PGAP6: variants seen among roughly 807,000 people sequenced by gnomAD.
PGAP6 encodes post-GPI attachment to proteins factor 6.
Under a neutral mutation model 68.4 loss-of-function variants are expected in PGAP6, and 62 were observed. The ratio of observed to expected loss-of-function variants is 0.91; its 90% CI spans 0.74 to 1.12. PGAP6 has a LOEUF of 1.12. Ranked by LOEUF, PGAP6 falls within the 50% of genes most tolerant of loss-of-function variation. PGAP6 has a pLI of 0.00. For missense variants in PGAP6, 1,188 were observed against 1,068.5 expected, an observed-to-expected ratio of 1.11 and a Z score of -1.56; for synonymous variants, 575 against 474.0, an observed-to-expected ratio of 1.21 and a Z score of -2.77.
intron 1 of PGAP6, among the ~76,000 whole-genome samples, chr16:381,121 C>T (rs1412132947): frequency 6.6e-6 from 1 of 152,246 alleles, no homozygotes; most frequent in Non-Finnish European, 1.5e-5. Flanking sequence ...AGTTTCCCAA[C>T]AAGAGGGGAG....
chr16:373,607 G>A (rs959717115), intron 11 of PGAP6, among the ~76,000 whole-genome samples: 21 of 152,302 alleles, frequency 1.4e-4, no homozygotes, highest in African/African-American at 4.6e-4. Flanking sequence ...CTGTGACCTC[G>A]GCTCACTCCA....
intron 6 of PGAP6, among the ~76,000 whole-genome samples, chr16:375,643 C>T (rs539117906): frequency 2.0e-5 from 3 of 152,162 alleles, no homozygotes; most frequent in South Asian, 2.1e-4. Context: ...GCCATTCTCC[C>T]GCCTCAGCCT....
Position 371,834 on chromosome 16 carries a change from T to C in PGAP6, c.*153A>G. 2 of 719,164 alleles carry C rather than the reference T, an allele frequency of 2.8e-6. No homozygotes were observed. Among genetic ancestry groups the C allele is most frequent in the Non-Finnish European group, 4.5e-6 (2 of 445,692 alleles). The allele number at this position is 719,164 out of a possible 1,614,324, so 44.5% of individuals were successfully genotyped here. On this transcript the variant is annotated 3_prime_UTR_variant, in exon 13 of 13. Coordinates refer to ENST00000431232, the MANE Select transcript of PGAP6 (RefSeq NM_021259.3). ...AGGAGAGGTGCGTGTGAGGGAGGGGTGGCCCTCTCCTCAGTAGGAGGAAGT... is the reference window on the plus strand; with the variant it reads ...AGGAGAGGTGCGTGTGAGGGAGGGGCGGCCCTCTCCTCAGTAGGAGGAAGT...
rs374864682 is a variant in PGAP6, at chr16:374,080, G to T, written c.1827C>A (p.Cys609Ter). The change falls in exon 11 of 13, where the codon TGC becomes TGA. Residue 609 changes from cysteine (C) to a stop codon, truncating the protein, a stop_gained. Coordinates refer to ENST00000431232, the MANE Select transcript of PGAP6 (RefSeq NM_021259.3). LOFTEE classifies it high-confidence loss of function. ...CILSYDTLQYCDFLGSGAAIW... is the reference protein window; with the variant it reads ...CILSYDTLQY ...TGGCCGCCCCGGAGCCCAAGAAGTC[G>T]CAGTACTGCAGCGTGTCGTAGCTGA... 6.2e-7 allele frequency: 1 copy of T among 1,611,948 alleles called. No homozygotes were observed. Among genetic ancestry groups the T allele is most frequent in the Non-Finnish European group, 8.5e-7 (1 of 1,179,950 alleles).
chr16:382,363 T>G, upstream of PGAP6: 1 of 382,746 alleles, frequency 2.6e-6, no homozygotes, highest in Non-Finnish European at 4.6e-6. Context: ...GACCTCCGCC[T>G]GGGACCGAGA....
In PGAP6 at chr16:379,029, G is replaced by A. The variant is rs146268859; in HGVS notation, c.122-1181C>T. ...GACCTTGGGCATCCTTCCCTCCCTG[G>A]GTCCCAGCCTTCTCCTGGGTAGGTC... On this transcript the variant is annotated intron_variant, in intron 1 of 12. Transcript: ENST00000431232. Among the ~76,000 whole-genome samples the A allele has an allele frequency of 3.9e-5, 6 of 152,270 alleles. No individual in the cohort carries two copies. The East Asian group carries it at 1.2e-3, about 29-fold the overall frequency.
chr16:378,054 C>T (rs888819439), intron 1 of PGAP6, among the ~76,000 whole-genome samples: 6 of 152,082 alleles, frequency 3.9e-5, no homozygotes, highest in African/African-American at 1.5e-4. Flanking sequence ...AGATGGCCTA[C>T]ATCCCACCCT....
At position 371,199 on chromosome 16, in the gene PGAP6, G is replaced by A. The variant is rs1422021996; in HGVS notation, c.*788C>T. 1.3e-5 allele frequency: 2 copies of A among 152,228 alleles called. No individual in the cohort carries two copies. Among genetic ancestry groups the A allele is most frequent in the Admixed American group, 1.3e-4 (2 of 15,286 alleles). 9.4% of individuals were successfully genotyped at this position (152,228 alleles called of 1,614,324 possible). A position where few individuals can be genotyped will look rare whatever the true frequency, so the allele number is the denominator to read the frequency against. ...GTCTCCTGAACACCCACAGGGCACA[G>A]AGCCCAGTGCAGGGGGCAGACACCA... On this transcript the variant is annotated 3_prime_UTR_variant, in exon 13 of 13. Transcript: ENST00000431232.
chr16:374,526 G>T, intron 9 of PGAP6, 127 bp from the exon 10 acceptor site: 1 of 1,197,788 alleles, frequency 8.3e-7, no homozygotes. Context: ...CACGGCGGGC[G>T]GGGTCCAAGG....
chr16:373,828 CCA>C (rs59534277), intron 11 of PGAP6, among the ~76,000 whole-genome samples, 175 bp downstream of exon 11: 83,016 of 150,452 alleles, frequency 0.55, 23,055 homozygotes, highest in South Asian at 0.67. Flanking sequence ...CAGGTGTGAG[CCA>C]CCATGCTCGG....
intron 12 of PGAP6, 42 bp from the exon 13 acceptor site, chr16:372,325 G>C: frequency 6.4e-7 from 1 of 1,565,124 alleles, no homozygotes; most frequent in Non-Finnish European, 8.6e-7. Context: ...AGGTGGGGCC[G>C]CGGCTGCAGC....
At chr16:377,608 G>C in intron 2 of PGAP6, 23 bp from the exon 3 acceptor site, 1 of 1,568,414 alleles carries the variant, frequency 6.4e-7, no homozygotes, top group Non-Finnish European at 8.6e-7. Context: ...GAGCAGCACC[G>C]GGTTCAGGCA....
chr16:378,897 G>A (rs1023162524), intron 1 of PGAP6, among the ~76,000 whole-genome samples: 4 of 152,218 alleles, frequency 2.6e-5, no homozygotes, highest in Non-Finnish European at 2.9e-5. Flanking sequence ...CACGCCTGGT[G>A]CGGGGATGGA....
chr16:386,242 CA>C (rs112419301), upstream of PGAP6, among the ~76,000 whole-genome samples: 3,214 of 139,792 alleles, frequency 0.023, 51 homozygotes, highest in Non-Finnish European at 0.038. Flanking sequence ...TAAATAAAAG[CA>C]AAAAAAAAAA....
rs2054386939 is a variant in PGAP6 at position 376,674 on chromosome 16, G to A, written c.774C>T (p.Cys258=). 6.2e-7 allele frequency: 1 copy of A among 1,611,074 alleles called. No homozygotes were observed. The highest frequency in any genetic ancestry group is 8.5e-7 in the Non-Finnish European group (1 of 1,179,452). ...LPSNFQKVLT[C]TGAPWPCRLL... The stretch of plus-strand genomic sequence containing the variant: ...GGCGGCAGGGCCAGGGGGCACCGGT[G>A]CAGGTGAGCACCTTCTGGAAGTTGC... The change falls in exon 5 of 13, where the codon TGC becomes TGT. Residue 258 remains cysteine (C), a synonymous_variant. Transcript: ENST00000431232.
intron 11 of PGAP6, among the ~76,000 whole-genome samples, chr16:373,408 G>A (rs1435199409): frequency 6.6e-6 from 1 of 152,190 alleles, no homozygotes; most frequent in South Asian, 2.1e-4. Flanking sequence ...GGGAGCATGG[G>A]TGGGGGCTTC....
intron 11 of PGAP6, 35 bp downstream of exon 11, chr16:373,970 C>A: frequency 6.4e-7 from 1 of 1,570,712 alleles, no homozygotes. Context: ...GCCCTGCTCC[C>A]CCGGAGCCCA....
At chr16:381,488 G>A (rs1204237251) in intron 1 of PGAP6, among the ~76,000 whole-genome samples, 1 of 152,160 alleles carries the variant, frequency 6.6e-6, no homozygotes, top group Non-Finnish European at 1.5e-5. Context: ...ACCCCGATCG[G>A]GGGACCGAGG....
At chr16:385,310 A>ATTTTTT (rs35605582), upstream of PGAP6, among the ~76,000 whole-genome samples, 4 of 112,422 alleles carry the variant, frequency 3.6e-5, no homozygotes, top group African/African-American at 1.2e-4. Context: ...ATATACTCTG[A>ATTTTTT]TTTTTTTTTT....
Sources: allele counts gnomAD v4.1 joint callset (sites outside exome capture counted in the v4.1 genomes callset), GRCh38; gene constraint gnomAD v4.1.1; transcripts MANE v1.5; gene names NCBI Gene and HGNC (gene_info 2026-07-23, HGNC 2026-07-21).